ADAMTS3: variants seen among roughly 807,000 people sequenced by gnomAD.
ADAMTS3 encodes A disintegrin and metalloproteinase with thrombospondin motifs 3.
ADAMTS3 carries 73 observed loss-of-function variants against 129.0 expected under a neutral mutation model. The observed-to-expected ratio is 0.57, with a 90% CI of 0.47 to 0.69. The LOEUF (loss-of-function observed/expected upper bound fraction) is 0.69. ADAMTS3 is among the 30% of genes least tolerant of loss of function. The pLI is 0.00. For synonymous variants in ADAMTS3, 477 were observed against 510.8 expected (o/e 0.93, Z 0.89); for missense variants, 1,457 against 1,514.5 (o/e 0.96, Z 0.63).
At chr4:72,400,221 GTA>G (rs1231312026) in intron 4 of ADAMTS3, among the ~76,000 whole-genome samples, 3 of 117,724 alleles carry the variant, frequency 2.5e-5, no homozygotes, top group African/African-American at 6.5e-5. Context: ...TGGTGTGTAT[GTA>G]TATGTGTGTA....
At chr4:72,305,641 T>C (rs972159430) in intron 16 of ADAMTS3, among the ~76,000 whole-genome samples, 18 of 152,124 alleles carry the variant, frequency 1.2e-4, no homozygotes, top group African/African-American at 3.6e-4. Context: ...TGTTTTAAAG[T>C]AAGCATAGTT....
At chr4:72,285,448 CA>C (rs1329256990) in intron 21 of ADAMTS3, among the ~76,000 whole-genome samples, 1 of 152,092 alleles carries the variant, frequency 6.6e-6, no homozygotes, top group Non-Finnish European at 1.5e-5. Flanking sequence ...CTCTAGGTCT[CA>C]AGAGGAGAGG....
At chr4:72,391,159 TAGAG>T in intron 4 of ADAMTS3, among the ~76,000 whole-genome samples, 1 of 152,216 alleles carries the variant, frequency 6.6e-6, no homozygotes, top group Non-Finnish European at 1.5e-5. Context: ...AAAGGGTAGT[TAGAG>T]GGAAGAAAGA....
chr4:72,517,504 C>A (rs1328619276), intron 3 of ADAMTS3, among the ~76,000 whole-genome samples: 3 of 152,182 alleles, frequency 2.0e-5, no homozygotes, highest in Admixed American at 6.5e-5. Flanking sequence ...ATTATTGCCA[C>A]AATTTCAGAG....
chr4:72,331,933 TTTA>T (rs1268843793), intron 5 of ADAMTS3, among the ~76,000 whole-genome samples: 6 of 152,206 alleles, frequency 3.9e-5, no homozygotes, highest in Non-Finnish European at 7.3e-5. Flanking sequence ...TCTATCACAT[TTTA>T]TTATTATCAT....
At chr4:72,413,785 C>T (rs1030697113) in intron 4 of ADAMTS3, among the ~76,000 whole-genome samples, 1 of 151,910 alleles carries the variant, frequency 6.6e-6, no homozygotes, top group Non-Finnish European at 1.5e-5. Context: ...ACTGCAAAGC[C>T]TCTACAGTGA....
At chr4:72,454,848 G>A (rs774519023) in intron 3 of ADAMTS3, among the ~76,000 whole-genome samples, 1 of 151,634 alleles carries the variant, frequency 6.6e-6, no homozygotes, top group Non-Finnish European at 1.5e-5. Context: ...CTTTAAAACT[G>A]TAGGTGAGGG....
intron 3 of ADAMTS3, among the ~76,000 whole-genome samples, chr4:72,490,951 A>G (rs1031950006): frequency 7.2e-5 from 11 of 151,850 alleles, no homozygotes; most frequent in Non-Finnish European, 1.3e-4. Flanking sequence ...AATTCTTCCA[A>G]TGAATGAACA....
chr4:72,531,769 C>T (rs890057314), intron 3 of ADAMTS3, among the ~76,000 whole-genome samples: 2 of 152,094 alleles, frequency 1.3e-5, no homozygotes, highest in Non-Finnish European at 2.9e-5. Context: ...TTCAAAGGTC[C>T]GCATTATACC....
intron 3 of ADAMTS3, among the ~76,000 whole-genome samples, chr4:72,534,796 A>AT (rs1229744742): frequency 2.0e-5 from 3 of 151,998 alleles, no homozygotes; most frequent in Non-Finnish European, 2.9e-5. Context: ...CATGTTCCTA[A>AT]TTTTTTTTCC....
chr4:72,435,098 C>T (rs1722789035), intron 3 of ADAMTS3, among the ~76,000 whole-genome samples: 1 of 151,830 alleles, frequency 6.6e-6, no homozygotes, highest in Non-Finnish European at 1.5e-5. Flanking sequence ...GACATAGTTT[C>T]TAACCATTTT....
intron 5 of ADAMTS3, 179 bp from the exon 6 acceptor site, chr4:72,323,276 A>G (rs898401886): frequency 1.7e-6 from 1 of 583,550 alleles, no homozygotes; most frequent in Non-Finnish European, 3.1e-6. Context: ...ATGTGTGGAT[A>G]TGTAAATTGC....
intron 2 of ADAMTS3, among the ~76,000 whole-genome samples, 174 bp from the exon 3 acceptor site, chr4:72,549,058 G>T (rs1721544783): frequency 6.6e-6 from 1 of 152,062 alleles, no homozygotes; most frequent in Non-Finnish European, 1.5e-5. Context: ...TTTCTCAAAT[G>T]CATTTAAGTA....
chr4:72,438,759 C>T (rs1718035171), intron 3 of ADAMTS3, among the ~76,000 whole-genome samples: 1 of 151,850 alleles, frequency 6.6e-6, no homozygotes, highest in East Asian at 2.0e-4. Context: ...TTGCCTAGGA[C>T]TACTCTAGTT....
intron 3 of ADAMTS3, among the ~76,000 whole-genome samples, chr4:72,461,218 T>C (rs1396765256): frequency 6.6e-6 from 1 of 151,526 alleles, no homozygotes; most frequent in Non-Finnish European, 1.5e-5. Context: ...TACTAGTATA[T>C]AAAAATATGA....
chr4:72,323,261 G>A (rs1719612331), intron 5 of ADAMTS3, 164 bp from the exon 6 acceptor site: 1 of 613,314 alleles, frequency 1.6e-6, no homozygotes, highest in Non-Finnish European at 2.9e-6. Flanking sequence ...TTTAGCTTTG[G>A]TACAATGTGT....
At chr4:72,418,561 G>A (rs1021806392) in intron 3 of ADAMTS3, among the ~76,000 whole-genome samples, 1 of 152,164 alleles carries the variant, frequency 6.6e-6, no homozygotes, top group Non-Finnish European at 1.5e-5. Flanking sequence ...GAAGCAGTAT[G>A]AGGGAGCCCA....
intron 3 of ADAMTS3, among the ~76,000 whole-genome samples, chr4:72,492,913 G>T (rs1312088993): frequency 2.0e-5 from 3 of 151,636 alleles, no homozygotes; most frequent in Non-Finnish European, 4.4e-5. Context: ...GTGATATTTG[G>T]TGTGTTTATA....
chr4:72,549,304 T>C (rs949462442), intron 2 of ADAMTS3, among the ~76,000 whole-genome samples: 1 of 152,198 alleles, frequency 6.6e-6, no homozygotes, highest in Non-Finnish European at 1.5e-5. Flanking sequence ...TTTTCATTTT[T>C]TCCCTGTAGA....
Sources: allele counts gnomAD v4.1 joint callset (sites outside exome capture counted in the v4.1 genomes callset), GRCh38; gene constraint gnomAD v4.1.1; transcripts MANE v1.5; gene names NCBI Gene and HGNC (gene_info 2026-07-23, HGNC 2026-07-21).